KHDC4: variants seen among roughly 807,000 people sequenced by gnomAD.
The protein encoded by KHDC4 is KH domain containing 4, pre-mRNA splicing factor.
In KHDC4, 19 loss-of-function variants were observed where a neutral mutation model predicts 74.5. The ratio of observed to expected loss-of-function variants is 0.26; its 90% CI spans 0.18 to 0.37. The LOEUF (loss-of-function observed/expected upper bound fraction) is 0.37. Among genes scored for constraint, KHDC4 ranks in the 10% least tolerant of loss-of-function variants. KHDC4 has a pLI of 1.00. For missense variants in KHDC4, 632 were observed against 754.1 expected (o/e 0.84, Z 1.90); for synonymous variants, 253 against 266.1 (o/e 0.95, Z 0.48).
At chr1:155,924,093 G>A (rs1032000126) in intron 7 of KHDC4, among the ~76,000 whole-genome samples, 5 of 152,074 alleles carry the variant, frequency 3.3e-5, no homozygotes, top group East Asian at 3.9e-4. Context: ...CGAGACAGGC[G>A]GATCACGAGG....
Position 155,913,349 on chromosome 1 carries a change from C to T in KHDC4, c.*772G>A, listed in dbSNP as rs1303389579. The T allele has an allele frequency of 6.6e-6, 1 of 152,368 alleles. No individual in the cohort carries two copies. The highest frequency in any genetic ancestry group is 6.5e-5 in the Admixed American group (1 of 15,276). The allele number at this position is 152,368 out of a possible 1,614,324, so 9.4% of individuals were successfully genotyped here. A position where few individuals can be genotyped will look rare whatever the true frequency, so the allele number is the denominator to read the frequency against. ...CAGATCTCTCTGTTTTAGCTGCAAC[C>T]AGTTCTGGGAGAGAGAGACCACTGT... is the stretch of plus-strand genomic sequence containing the variant. On this transcript the variant is annotated 3_prime_UTR_variant, in exon 14 of 14. Coordinates refer to ENST00000368321, the MANE Select transcript of KHDC4 (RefSeq NM_014949.4).
intron 8 of KHDC4, 53 bp from the exon 9 acceptor site, chr1:155,921,971 A>T (rs1673874040): frequency 8.8e-7 from 1 of 1,133,086 alleles, no homozygotes; most frequent in East Asian, 2.4e-5. Context: ...CTGTGCATTT[A>T]CAAGGGTCTG....
chr1:155,933,879 C>T (rs766887045), intron 1 of KHDC4, 30 bp from the exon 2 acceptor site: 26 of 1,469,764 alleles, frequency 1.8e-5, no homozygotes, highest in Admixed American at 1.7e-4. Context: ...AACATTAGGC[C>T]CCAAAGCTTT....
Position 155,921,929 on chromosome 1 carries a change from G to A in KHDC4, c.955-11C>T. ...GTATTCAGCATGAACCTGAAAGAGA[G>A]GGGGAAACAAATTAACATGGGACAG... On this transcript the variant is annotated splice_polypyrimidine_tract_variant and intron_variant, in intron 8 of 13. Transcript: ENST00000368321. 6.3e-7 allele frequency: 1 copy of A among 1,590,814 alleles called. No individual in the cohort carries two copies. Among genetic ancestry groups the A allele is most frequent in the Non-Finnish European group, 8.6e-7 (1 of 1,160,526 alleles).
rs1297854464 is a variant in KHDC4 at position 155,921,925 on chromosome 1, G to A, written c.955-7C>T. Reference sequence around the variant, plus strand: ...TAGAGTATTCAGCATGAACCTGAAAGAGAGGGGGAAACAAATTAACATGGG... The same window carrying A: ...TAGAGTATTCAGCATGAACCTGAAAAAGAGGGGGAAACAAATTAACATGGG... On this transcript the variant is annotated splice_region_variant and splice_polypyrimidine_tract_variant and intron_variant, in intron 8 of 13. Coordinates refer to ENST00000368321, the MANE Select transcript of KHDC4 (RefSeq NM_014949.4). 1.3e-6 allele frequency: 2 copies of A among 1,597,950 alleles called. No individual in the cohort carries two copies. The highest frequency in any genetic ancestry group is 1.7e-6 in the Non-Finnish European group (2 of 1,166,510).
chr1:155,930,750 TG>T, intron 2 of KHDC4, among the ~76,000 whole-genome samples: 1 of 152,276 alleles, frequency 6.6e-6, no homozygotes, highest in East Asian at 1.9e-4. Context: ...CAAAGAAGAA[TG>T]AAAAAACAGT....
At chr1:155,932,311 A>T (rs1249257098) in intron 2 of KHDC4, 1 of 152,148 alleles carries the variant, frequency 6.6e-6, no homozygotes, top group African/African-American at 2.4e-5. Context: ...CCAGCCCCTT[A>T]ATTTTAATTT....
chr1:155,930,831 A>G lies in KHDC4; in HGVS notation c.256-991T>C, dbSNP rs1674124968. ...GGAGTTTGTGATCAGCCTGGTCAAC[A>G]TGGTGAAACCCCGTCTCTAGTAAAC... On this transcript the variant is annotated intron_variant, in intron 2 of 13. Transcript: ENST00000368321. 2.0e-5 allele frequency among the ~76,000 whole-genome samples: 3 copies of G among 152,296 alleles called. No individual in the cohort carries two copies. In the South Asian group the frequency reaches 6.2e-4, roughly 32 times the overall value.
At chr1:155,926,888 C>G in intron 5 of KHDC4, 49 bp from the exon 6 acceptor site, 1 of 1,590,526 alleles carries the variant, frequency 6.3e-7, no homozygotes, top group South Asian at 1.1e-5. Flanking sequence ...CTGACTAGTG[C>G]CCAGGCAGGC....
chr1:155,926,595 G>C (rs1469573173), intron 6 of KHDC4, 81 bp downstream of exon 6: 2 of 1,482,852 alleles, frequency 1.3e-6, no homozygotes, highest in Admixed American at 1.7e-5. Context: ...GGGATTACAG[G>C]AATGAGCCAC....
chr1:155,933,734 G>T lies in KHDC4; in HGVS notation c.154C>A (p.Pro52Thr). ...GCAGCAGCATCCAAGGCTCCTGAAG[G>T]AGCAGCTGTGGTGCCCCCAGGACTT... Reference protein sequence around the residue: ...GGSPGGTTAAPSGALDAAAAV... With the variant: ...GGSPGGTTAATSGALDAAAAV... The change falls in exon 2 of 14, where the codon CCT (proline) becomes ACT (threonine). Residue 52 changes from proline (P) to threonine (T), a missense_variant. Coordinates refer to ENST00000368321, the MANE Select transcript of KHDC4 (RefSeq NM_014949.4). 2 of 1,609,540 alleles carry T rather than the reference G, an allele frequency of 1.2e-6. No homozygotes were observed. Among genetic ancestry groups the T allele is most frequent in the Non-Finnish European group, 1.7e-6 (2 of 1,177,396 alleles).
At chr1:155,922,137 C>A in intron 8 of KHDC4, 1 of 286,832 alleles carries the variant, frequency 3.5e-6, no homozygotes. Flanking sequence ...TCTTGTATCA[C>A]TGCAAATCTT....
chr1:155,914,623 C>T (rs1673693143), intron 13 of KHDC4: 1 of 300,080 alleles, frequency 3.3e-6, no homozygotes, highest in Non-Finnish European at 6.1e-6. Context: ...GCTGATATTT[C>T]ACCTTTTAAA....
intron 4 of KHDC4, among the ~76,000 whole-genome samples, chr1:155,927,834 A>C (rs1443171474): frequency 3.9e-4 from 4 of 10,270 alleles, no homozygotes; most frequent in Admixed American, 1.5e-3. Context: ...AAAAAAAACC[A>C]CACACACACA....
At chr1:155,921,780 G>A (rs1042858783) in intron 9 of KHDC4, 81 bp downstream of exon 9, 2 of 1,393,166 alleles carry the variant, frequency 1.4e-6, no homozygotes, top group South Asian at 1.3e-5. Context: ...TAGTGCCCTG[G>A]CACAGTCTAG....
chr1:155,931,924 T>C (rs1014763264), intron 2 of KHDC4, among the ~76,000 whole-genome samples: 37 of 152,190 alleles, frequency 2.4e-4, no homozygotes, highest in Non-Finnish European at 4.7e-4. Context: ...ATCAATGTTG[T>C]CCAAGAGAAC....
rs1010373601 is a variant in KHDC4 at position 155,927,306 on chromosome 1, C to T, written c.465-150G>A. ...TAGAAGGGTTTTTGCTAGCTAATGT[C>T]TCAGAACATGCTTTAACAGCTGGGG... is the stretch of plus-strand genomic sequence containing the variant. On this transcript the variant is annotated intron_variant, in intron 4 of 13. Transcript: ENST00000368321. The T allele has an allele frequency of 2.1e-5, 13 of 608,010 alleles. No homozygotes were observed. The African/African-American group carries it at 2.4e-4, about 11-fold the overall frequency. The allele number at this position is 608,010 out of a possible 1,614,324, so 37.7% of individuals were successfully genotyped here.
At position 155,914,099 on chromosome 1, in the gene KHDC4, CA is replaced by C; in HGVS notation, c.*21del. 6.2e-7 allele frequency: 1 copy of C among 1,601,232 alleles called. No individual in the cohort carries two copies. Among genetic ancestry groups the C allele is most frequent in the Non-Finnish European group, 8.6e-7 (1 of 1,168,324 alleles). On this transcript the variant is annotated 3_prime_UTR_variant, in exon 14 of 14. Coordinates refer to ENST00000368321, the MANE Select transcript of KHDC4 (RefSeq NM_014949.4). ...ATTGCTAAGAAGAGTCACTGAGGGT[CA>C]AAACTCTGTTCCACTGTTTCCTAGG...
chr1:155,928,998 GA>G (rs1193122272), intron 4 of KHDC4, among the ~76,000 whole-genome samples: 1 of 151,104 alleles, frequency 6.6e-6, no homozygotes, highest in Non-Finnish European at 1.5e-5. Flanking sequence ...AGATCATATG[GA>G]ACAGAAAGAA....
Sources: gnomAD v4.1 joint callset for allele counts (sites outside exome capture counted in the v4.1 genomes callset) on GRCh38, gnomAD v4.1.1 for gene constraint, MANE v1.5 for transcripts, NCBI Gene and HGNC (gene_info 2026-07-23, HGNC 2026-07-21) for gene names.